The following IMPG2 variants were observed in gnomAD, a reference collection of about 807,000 sequenced individuals.
IMPG2 encodes IPM 200.
IMPG2 carries 91 observed loss-of-function variants against 129.2 expected under a neutral mutation model. The ratio of observed to expected loss-of-function variants is 0.70; its 90% confidence interval spans 0.59 to 0.84. The LOEUF (loss-of-function observed/expected upper bound fraction) is 0.84, where lower values mean the gene tolerates loss of function less well. IMPG2 is among the 40% of genes least tolerant of loss of function. The pLI is 0.00. For synonymous variants in IMPG2, 510 were observed against 517.7 expected (o/e 0.99, Z 0.20); for missense variants, 1,430 against 1,461.7 (o/e 0.98, Z 0.35).
chr3:101,244,266 T>C lies in IMPG2; in HGVS notation c.2065A>G (p.Ile689Val). Reference sequence around the variant, plus strand: ...GATTCAGCTGCAGTATCTGCGAAGATGGGCACAGCAGGCCCACTAAGAGGC... The same window carrying C: ...GATTCAGCTGCAGTATCTGCGAAGACGGGCACAGCAGGCCCACTAAGAGGC... ...EEPLSGPAVP[I>V]FADTAAESAS... The change falls in exon 13 of 19, where the codon ATC becomes GTC. Residue 689 changes from isoleucine to valine, a missense_variant. Ile to Val is a conservative substitution (Grantham distance 29). Coordinates refer to ENST00000193391, the MANE Select transcript of IMPG2 (RefSeq NM_016247.4). 2 of 1,614,066 alleles carry C rather than the reference T, an allele frequency of 1.2e-6. No homozygotes were observed. The highest frequency in any genetic ancestry group is 1.7e-6 in the Non-Finnish European group (2 of 1,179,996).
intron 18 of IMPG2, chr3:101,227,775 C>T (rs1265420732): frequency 2.2e-6 from 1 of 456,106 alleles, no homozygotes; most frequent in Admixed American, 2.3e-5. Context: ...CTACCATGCA[C>T]ATGGAATTAG....
intron 9 of IMPG2, among the ~76,000 whole-genome samples, chr3:101,261,816 TAC>T (rs574483848): frequency 1.6e-3 from 240 of 152,022 alleles, no homozygotes; most frequent in African/African-American, 4.6e-3. Context: ...GCCAAGGAAA[TAC>T]ATGAGAAGCA....
At chr3:101,275,061 A>G (rs1179090042) in intron 6 of IMPG2, among the ~76,000 whole-genome samples, 6 of 149,412 alleles carry the variant, frequency 4.0e-5, no homozygotes, top group Non-Finnish European at 7.4e-5. Flanking sequence ...TTAGCTCTAT[A>G]TTAAAAAAAA....
intron 3 of IMPG2, among the ~76,000 whole-genome samples, chr3:101,301,243 A>AG (rs1707136933): frequency 6.6e-6 from 1 of 152,216 alleles, no homozygotes; most frequent in Admixed American, 6.5e-5. Flanking sequence ...ATCACATAAG[A>AG]GATAAAGAAA....
chr3:101,241,369 G>T (rs1706404597), intron 14 of IMPG2, among the ~76,000 whole-genome samples: 1 of 152,206 alleles, frequency 6.6e-6, no homozygotes, highest in African/African-American at 2.4e-5. Flanking sequence ...TGTGTGCAAA[G>T]ACTTTAAGGC....
chr3:101,237,014 G>C (rs761662982), intron 14 of IMPG2, among the ~76,000 whole-genome samples: 1 of 152,168 alleles, frequency 6.6e-6, no homozygotes, highest in East Asian at 1.9e-4. Context: ...AACCTGGGGC[G>C]CTCGAGCTTG....
intron 9 of IMPG2, among the ~76,000 whole-genome samples, chr3:101,258,669 T>A (rs937858853): frequency 1.3e-5 from 2 of 152,112 alleles, no homozygotes; most frequent in African/African-American, 4.8e-5. Context: ...TTTTTCTCCA[T>A]CAACCTTTCC....
rs1340826480 is a variant in IMPG2 at position 101,223,631 on chromosome 3, CT to C, written c.*3337del. 1 of 152,134 alleles carries C rather than the reference CT, an allele frequency of 6.6e-6. No homozygotes were observed. The highest frequency in any genetic ancestry group is 1.5e-5 in the Non-Finnish European group (1 of 68,028). 9.4% of individuals were successfully genotyped at this position (152,134 alleles called of 1,614,324 possible). ...ACTTCAGCCAACCTACTTTTAGAGC[CT>C]ACAAAGAATATTTGTGCAGTTTCCA... is the stretch of plus-strand genomic sequence containing the variant. On this transcript the variant is annotated 3_prime_UTR_variant, in exon 19 of 19. Coordinates refer to ENST00000193391, the MANE Select transcript of IMPG2 (RefSeq NM_016247.4).
intron 17 of IMPG2, 50 bp downstream of exon 17, chr3:101,229,330 A>T: frequency 1.4e-6 from 1 of 704,498 alleles, no homozygotes; most frequent in Non-Finnish European, 2.3e-6. Context: ...GCTCCCCCAC[A>T]CACACACCAG....
chr3:101,267,619 T>G, intron 8 of IMPG2, 88 bp from the exon 9 acceptor site: 3 of 1,086,968 alleles, frequency 2.8e-6, no homozygotes, highest in South Asian at 1.3e-5. Flanking sequence ...ATTCATGTAT[T>G]TCCTCTGAAT....
intron 14 of IMPG2, among the ~76,000 whole-genome samples, chr3:101,233,420 C>T (rs1706312146): frequency 6.6e-6 from 1 of 152,130 alleles, no homozygotes; most frequent in Admixed American, 6.5e-5. Context: ...ACATGCCTTG[C>T]ACAACACTGA....
chr3:101,304,241 A>T lies in IMPG2; in HGVS notation c.406T>A (p.Tyr136Asn). 1 of 1,613,952 alleles carries T rather than the reference A, an allele frequency of 6.2e-7. No homozygotes were observed. Among genetic ancestry groups the T allele is most frequent in the Non-Finnish European group, 8.5e-7 (1 of 1,179,810 alleles). Residue 136 changes from tyrosine to asparagine, a missense_variant, in exon 3 of 19, where the codon TAC becomes AAC. By Grantham distance (143) the Tyr-to-Asn change is moderately radical. Coordinates refer to ENST00000193391, the MANE Select transcript of IMPG2 (RefSeq NM_016247.4). Reference sequence around the variant, plus strand: ...CCATCCTCACACAAATTCATCCAGTAATGATATTCCTCACGCCCAGGAAGT... The same window carrying T: ...CCATCCTCACACAAATTCATCCAGTTATGATATTCCTCACGCCCAGGAAGT... ...DRLPGREEYHYWMNLCEDGVT... is the reference protein window; with the variant it reads ...DRLPGREEYHNWMNLCEDGVT...
intron 2 of IMPG2, among the ~76,000 whole-genome samples, chr3:101,305,000 T>TA (rs1707174147): frequency 6.6e-6 from 1 of 152,042 alleles, no homozygotes; most frequent in East Asian, 1.9e-4. Flanking sequence ...AAAATAATAA[T>TA]CTTTTTTATA....
intron 2 of IMPG2, among the ~76,000 whole-genome samples, chr3:101,307,277 G>A (rs1707215007): frequency 6.6e-6 from 1 of 152,162 alleles, no homozygotes; most frequent in African/African-American, 2.4e-5. Context: ...ATTTTTGGTA[G>A]GAATGTATAA....
intron 3 of IMPG2, among the ~76,000 whole-genome samples, chr3:101,294,567 C>G (rs976824059): frequency 2.0e-5 from 3 of 152,112 alleles, no homozygotes; most frequent in Admixed American, 6.5e-5. Flanking sequence ...GTGCATGTGT[C>G]TTTATAGCAG....
chr3:101,301,296 G>A (rs759181658), intron 3 of IMPG2, among the ~76,000 whole-genome samples: 38 of 152,330 alleles, frequency 2.5e-4, no homozygotes, highest in Middle Eastern at 3.4e-3. Context: ...TTACCAAAAT[G>A]TGAGACAGAG....
intron 9 of IMPG2, among the ~76,000 whole-genome samples, chr3:101,267,079 A>G (rs1189699656): frequency 2.0e-5 from 3 of 152,234 alleles, no homozygotes; most frequent in Non-Finnish European, 4.4e-5. Context: ...AGCCAGGAAC[A>G]TAAAATTAAA....
chr3:101,234,067 T>G (rs1706319375), intron 14 of IMPG2, among the ~76,000 whole-genome samples: 3 of 151,322 alleles, frequency 2.0e-5, no homozygotes, highest in Admixed American at 2.0e-4. Context: ...GGAAATGTAC[T>G]GAGTTGAATA....
At chr3:101,305,025 T>C (rs1249504795) in intron 2 of IMPG2, among the ~76,000 whole-genome samples, 2 of 152,122 alleles carry the variant, frequency 1.3e-5, no homozygotes, top group African/African-American at 4.8e-5. Context: ...AAAATTTATG[T>C]TCACACAAAA....
Sources: gnomAD v4.1 joint callset for allele counts (sites outside exome capture counted in the v4.1 genomes callset) on GRCh38, gnomAD v4.1.1 for gene constraint, MANE v1.5 for transcripts, NCBI Gene and HGNC (gene_info 2026-07-23, HGNC 2026-07-21) for gene names.